The following PTPRN2 variants were observed in gnomAD, a reference collection of about 807,000 sequenced individuals.
PTPRN2 encodes the protein protein tyrosine phosphatase receptor type N2.
PTPRN2 carries 74 observed loss-of-function variants against 118.8 expected under a neutral mutation model. That is an observed-to-expected ratio of 0.62 (90% CI 0.52 to 0.76). The LOEUF (loss-of-function observed/expected upper bound fraction) is 0.76. Among genes scored for constraint, PTPRN2 ranks in the 30% least tolerant of loss-of-function variants. The pLI, the probability that PTPRN2 is intolerant of heterozygous loss-of-function variation, is 0.00. For synonymous variants in PTPRN2, 641 were observed against 608.0 expected, an observed-to-expected ratio of 1.05 and a Z score of -0.80; for missense variants, 1,481 against 1,394.4, an observed-to-expected ratio of 1.06 and a Z score of -0.99.
intron 2 of PTPRN2, among the ~76,000 whole-genome samples, chr7:158,456,928 C>CA (rs1818552251): frequency 6.6e-6 from 1 of 152,182 alleles, no homozygotes; most frequent in African/African-American, 2.4e-5. Context: ...AACTCACCCA[C>CA]ATGAGGGCTT....
intron 11 of PTPRN2, among the ~76,000 whole-genome samples, chr7:158,007,896 CTGGT>C (rs529421108): frequency 9.7e-4 from 140 of 144,646 alleles, no homozygotes; most frequent in African/African-American, 3.3e-3. Flanking sequence ...GTGTATGTAT[CTGGT>C]TGTGTGCATT....
At chr7:158,169,751 G>A (rs1440919492) in intron 5 of PTPRN2, among the ~76,000 whole-genome samples, 1 of 151,808 alleles carries the variant, frequency 6.6e-6, no homozygotes, top group Non-Finnish European at 1.5e-5. Flanking sequence ...GGAGTGCAGT[G>A]GCACATCTCG....
At position 157,820,976 on chromosome 7, in the gene PTPRN2, G is replaced by A. The variant is rs73746645; in HGVS notation, c.1788+77697C>T. On this transcript the variant is annotated intron_variant, in intron 12 of 22. Transcript: ENST00000389418. ...CCCGCAGCCTGGTGGAGTCTCCCAC[G>A]CTGGAGGGGAGGCAAGAGTGCACCC... 1.0e-2 allele frequency among the ~76,000 whole-genome samples: 1,520 copies of A among 152,200 alleles called. 22 individuals carry two copies. The highest frequency in any genetic ancestry group is 0.034 in the African/African-American group (1,412 of 41,530).
At chr7:158,531,264 G>A (rs76568124) in intron 1 of PTPRN2, among the ~76,000 whole-genome samples, 1,528 of 152,086 alleles carry the variant, frequency 0.01, 17 homozygotes, top group African/African-American at 0.034. Flanking sequence ...CATTACCCAC[G>A]TCCCATGCTG....
chr7:157,857,041 CAGCTTGGGCGCCATG>C (rs936951564), intron 12 of PTPRN2, among the ~76,000 whole-genome samples: 1 of 120,952 alleles, frequency 8.3e-6, no homozygotes, highest in Non-Finnish European at 1.9e-5. Flanking sequence ...GCAGTGCCAT[CAGCTTGGGCGCCATG>C]AGTGGGAGTC....
intron 1 of PTPRN2, among the ~76,000 whole-genome samples, chr7:158,560,550 C>T (rs567271607): frequency 4.4e-4 from 67 of 152,388 alleles, no homozygotes; most frequent in African/African-American, 9.9e-4. Flanking sequence ...CGTGTAAGAA[C>T]GGTGACCACT....
At chr7:158,281,139 C>T (rs1043954372) in intron 3 of PTPRN2, among the ~76,000 whole-genome samples, 1 of 152,164 alleles carries the variant, frequency 6.6e-6, no homozygotes, top group Non-Finnish European at 1.5e-5. Flanking sequence ...CCCACCTCTA[C>T]TAAAAATACA....
intron 1 of PTPRN2, among the ~76,000 whole-genome samples, chr7:158,521,721 G>T (rs201428442): frequency 3.2e-4 from 32 of 101,460 alleles, no homozygotes; most frequent in Admixed American, 9.9e-4. Context: ...GCTCAGGAGG[G>T]AGGTCCACGT....
At chr7:158,277,301 G>C (rs189939811) in intron 3 of PTPRN2, among the ~76,000 whole-genome samples, 7 of 152,158 alleles carry the variant, frequency 4.6e-5, no homozygotes, top group African/African-American at 1.4e-4. Flanking sequence ...TTCGCCATTC[G>C]GTCCCACACC....
Position 157,754,396 on chromosome 7 carries a change from C to A in PTPRN2, c.1789-71459G>T, listed in dbSNP as rs547606582. Among the ~76,000 whole-genome samples the A allele has an allele frequency of 4.1e-4, 63 of 152,382 alleles. No homozygotes were observed. In the South Asian group the frequency reaches 7.2e-3, roughly 18 times the overall value. On this transcript the variant is annotated intron_variant, in intron 12 of 22. Coordinates refer to ENST00000389418, the MANE Select transcript of PTPRN2 (RefSeq NM_002847.5). Reference sequence around the variant, plus strand: ...GACATGCCCCGACACTCGGCTTCCACCAAACAGGGTGGTCCAAGCACTGAG... The same window carrying A: ...GACATGCCCCGACACTCGGCTTCCAACAAACAGGGTGGTCCAAGCACTGAG...
chr7:158,108,334 G>A (rs1357688603), intron 10 of PTPRN2, among the ~76,000 whole-genome samples: 1 of 151,870 alleles, frequency 6.6e-6, no homozygotes, highest in Non-Finnish European at 1.5e-5. Flanking sequence ...CCTTCCCCAG[G>A]TGGCCTCAGG....
At chr7:157,686,470 G>T (rs891892862) in intron 12 of PTPRN2, among the ~76,000 whole-genome samples, 9 of 152,192 alleles carry the variant, frequency 5.9e-5, no homozygotes, top group Non-Finnish European at 1.3e-4. Context: ...TTAAGAGAAA[G>T]AAATGAGTTT....
At chr7:157,902,993 A>G (rs1329190206) in intron 11 of PTPRN2, among the ~76,000 whole-genome samples, 1 of 152,148 alleles carries the variant, frequency 6.6e-6, no homozygotes, top group East Asian at 1.9e-4. Context: ...TTCTTTCTTC[A>G]ACAAATACAT....
chr7:158,484,387 G>A (rs1382928105), intron 2 of PTPRN2, among the ~76,000 whole-genome samples: 1 of 144,230 alleles, frequency 6.9e-6, no homozygotes, highest in East Asian at 1.9e-4. Flanking sequence ...TTTAGAGACA[G>A]AGTCTCACTC....
chr7:158,491,811 A>C (rs1020280937), intron 1 of PTPRN2, among the ~76,000 whole-genome samples: 1 of 152,120 alleles, frequency 6.6e-6, no homozygotes, highest in Admixed American at 6.5e-5. Flanking sequence ...TCTTAATCCC[A>C]TTTACCCATC....
chr7:158,311,295 T>C (rs1801708623), intron 3 of PTPRN2, among the ~76,000 whole-genome samples: 2 of 152,204 alleles, frequency 1.3e-5, no homozygotes, highest in African/African-American at 4.8e-5. Context: ...CTGTTTTATG[T>C]ACATATTTGG....
At chr7:158,530,356 T>C (rs978035564) in intron 1 of PTPRN2, among the ~76,000 whole-genome samples, 5 of 152,186 alleles carry the variant, frequency 3.3e-5, no homozygotes, top group Admixed American at 2.0e-4. Flanking sequence ...ACAAGCATAA[T>C]TGGACTGAAT....
chr7:158,147,772 A>T (rs1820314439), intron 6 of PTPRN2, among the ~76,000 whole-genome samples: 1 of 97,780 alleles, frequency 1.0e-5, no homozygotes, highest in Non-Finnish European at 1.8e-5. Flanking sequence ...ACCTCACGCC[A>T]CGTGTTATTC....
At chr7:157,895,384 A>T (rs1402063949) in intron 12 of PTPRN2, among the ~76,000 whole-genome samples, 2 of 151,082 alleles carry the variant, frequency 1.3e-5, no homozygotes, top group African/African-American at 4.8e-5. Context: ...TCTGAACGAG[A>T]CCATAAAATA....
Sources: gnomAD v4.1 joint callset for allele counts (sites outside exome capture counted in the v4.1 genomes callset) on GRCh38, gnomAD v4.1.1 for gene constraint, MANE v1.5 for transcripts, NCBI Gene and HGNC (gene_info 2026-07-23, HGNC 2026-07-21) for gene names.